The following TMEM108 variants were observed in gnomAD, a reference collection of about 807,000 sequenced individuals.
TMEM108 encodes the protein cancer/testis antigen 124.
In TMEM108, 12 loss-of-function variants were observed where a neutral mutation model predicts 35.1. That is an observed-to-expected ratio of 0.34 (90% CI 0.22 to 0.55). The LOEUF is 0.55. Ranked by LOEUF, TMEM108 falls within the 20% of genes least tolerant of loss-of-function variation. The probability of loss-of-function intolerance (pLI) is 0.89; values close to 1 mark genes in which losing one functional copy is unlikely to be tolerated. For synonymous variants in TMEM108, 287 were observed against 308.6 expected (o/e 0.93, Z 0.73); for missense variants, 680 against 753.3 (o/e 0.90, Z 1.14).
At chr3:133,080,436 C>A (rs1477020508) in intron 2 of TMEM108, among the ~76,000 whole-genome samples, 2 of 152,172 alleles carry the variant, frequency 1.3e-5, no homozygotes, top group African/African-American at 4.8e-5. Flanking sequence ...CATGTAAGGA[C>A]ATATGTTGGT....
intron 2 of TMEM108, among the ~76,000 whole-genome samples, chr3:133,206,876 C>T (rs1221784166): frequency 6.6e-6 from 1 of 152,226 alleles, no homozygotes; most frequent in African/African-American, 2.4e-5. Flanking sequence ...TGTAGGAACA[C>T]TTAAGTCTGC....
At chr3:133,080,072 A>C (rs962564028) in intron 2 of TMEM108, among the ~76,000 whole-genome samples, 1 of 152,016 alleles carries the variant, frequency 6.6e-6, no homozygotes, top group African/African-American at 2.4e-5. Flanking sequence ...TCCAAGGTAG[A>C]TGCTTGATAA....
At chr3:133,325,709 A>G (rs2071322388) in intron 3 of TMEM108, among the ~76,000 whole-genome samples, 1 of 150,310 alleles carries the variant, frequency 6.7e-6, no homozygotes, top group African/African-American at 2.4e-5. Flanking sequence ...AAATTTTTAA[A>G]TAAAAATAAT....
In TMEM108 at chr3:133,174,036, G is replaced by A. The variant is rs143973748; in HGVS notation, c.-46-55230G>A. On this transcript the variant is annotated intron_variant, in intron 2 of 5. Coordinates refer to ENST00000321871, the MANE Select transcript of TMEM108 (RefSeq NM_023943.4). ...ACGGCACACCAGGAGATTATATCCC[G>A]CTCCTGGCTCAGAGGGTCCTATTCC... Among the ~76,000 whole-genome samples, 1,111 of 152,328 alleles carry A rather than the reference G, an allele frequency of 7.3e-3. 16 individuals are homozygous for A. Among genetic ancestry groups the A allele is most frequent in the African/African-American group, 0.025 (1,048 of 41,574 alleles).
chr3:133,099,824 T>C (rs1191355573), intron 2 of TMEM108, among the ~76,000 whole-genome samples: 2 of 152,220 alleles, frequency 1.3e-5, no homozygotes, highest in Non-Finnish European at 2.9e-5. Flanking sequence ...AGCATTTTTG[T>C]CAAAGCCATT....
At chr3:133,374,542 T>TTATATATATATATA (rs10580755) in intron 3 of TMEM108, among the ~76,000 whole-genome samples, 26 of 145,802 alleles carry the variant, frequency 1.8e-4, no homozygotes, top group African/African-American at 6.6e-4. Context: ...ATAATTTTTG[T>TTATATATATATATA]TATATATATA....
At chr3:133,361,581 G>A (rs573195918) in intron 3 of TMEM108, among the ~76,000 whole-genome samples, 3 of 152,296 alleles carry the variant, frequency 2.0e-5, no homozygotes, top group African/African-American at 7.2e-5. Flanking sequence ...GCTTCCGTTG[G>A]CATCAGCTGG....
Position 133,229,257 on chromosome 3 carries a change from A to G in TMEM108, c.-46-9A>G, listed in dbSNP as rs531869812. 5.7e-6 allele frequency: 9 copies of G among 1,570,378 alleles called. No individual in the cohort carries two copies. Among genetic ancestry groups the G allele is most frequent in the Admixed American group, 1.8e-5 (1 of 55,346 alleles). ...CAGATGTAACAATTTTCTTCTCCCAATTTCCTAGACAGAATCATGAATAAA... is the reference window on the plus strand; with the variant it reads ...CAGATGTAACAATTTTCTTCTCCCAGTTTCCTAGACAGAATCATGAATAAA... On this transcript the variant is annotated splice_polypyrimidine_tract_variant and intron_variant, in intron 2 of 5. Transcript: ENST00000321871.
rs554012407 is a variant in TMEM108, at chr3:133,040,638, ATTGT to A, written c.-166+2211_-166+2214del. On this transcript the variant is annotated intron_variant, in intron 1 of 5. Coordinates refer to ENST00000321871, the MANE Select transcript of TMEM108 (RefSeq NM_023943.4). ...GTTCCATAAACCGCAAAGGGTATGC[ATTGT>A]TTGTTTGGCCTGCGGAAGGGAGGCA... is the stretch of plus-strand genomic sequence containing the variant. Among the ~76,000 whole-genome samples, 35 of 152,284 alleles carry A rather than the reference ATTGT, an allele frequency of 2.3e-4. No individual in the cohort carries two copies. In the South Asian group the frequency reaches 6.8e-3, roughly 30 times the overall value.
At chr3:133,120,974 C>T (rs1245772293) in intron 2 of TMEM108, 1 of 152,168 alleles carries the variant, frequency 6.6e-6, no homozygotes, top group Non-Finnish European at 1.5e-5. Context: ...TTTTTGGCAT[C>T]CCATATTTGT....
intron 2 of TMEM108, among the ~76,000 whole-genome samples, chr3:133,198,962 C>T (rs912470458): frequency 1.3e-5 from 2 of 152,162 alleles, no homozygotes; most frequent in African/African-American, 4.8e-5. Context: ...TCACATACTC[C>T]CATATTTCTT....
At chr3:133,356,229 G>GA (rs201144304) in intron 3 of TMEM108, among the ~76,000 whole-genome samples, 1,921 of 148,682 alleles carry the variant, frequency 0.013, 16 homozygotes, top group South Asian at 0.026. Flanking sequence ...TACAACAGCT[G>GA]AAAAAAAAAG....
intron 3 of TMEM108, among the ~76,000 whole-genome samples, chr3:133,310,533 T>A (rs2071112914): frequency 2.1e-5 from 1 of 47,794 alleles, no homozygotes. Flanking sequence ...ACCCCTGCTT[T>A]TTTTTTTTTT....
intron 2 of TMEM108, among the ~76,000 whole-genome samples, chr3:133,128,637 G>A (rs1006631433): frequency 1.3e-5 from 2 of 152,142 alleles, no homozygotes; most frequent in Admixed American, 6.5e-5. Flanking sequence ...CTTCTCACCT[G>A]TCAAGTGAGA....
intron 3 of TMEM108, among the ~76,000 whole-genome samples, chr3:133,373,205 T>A (rs115212737): frequency 0.012 from 1,855 of 151,992 alleles, 18 homozygotes; most frequent in South Asian, 0.021. Flanking sequence ...AAAAATTAGC[T>A]GGGCACAGTG....
chr3:133,143,086 A>T (rs1019748968), intron 2 of TMEM108, among the ~76,000 whole-genome samples: 1 of 152,198 alleles, frequency 6.6e-6, no homozygotes, highest in Non-Finnish European at 1.5e-5. Context: ...AACTACATAG[A>T]AAAAAGAAAC....
At chr3:133,180,415 A>G (rs1945316500) in intron 2 of TMEM108, among the ~76,000 whole-genome samples, 1 of 152,160 alleles carries the variant, frequency 6.6e-6, no homozygotes, top group South Asian at 2.1e-4. Context: ...ATCAATTTCC[A>G]GTAACAATGT....
At chr3:133,168,872 C>T (rs1176440712) in intron 2 of TMEM108, among the ~76,000 whole-genome samples, 1 of 152,174 alleles carries the variant, frequency 6.6e-6, no homozygotes, top group Non-Finnish European at 1.5e-5. Flanking sequence ...ACCACAAACC[C>T]ACCGGGAGGA....
At chr3:133,144,813 G>C (rs1284047246) in intron 2 of TMEM108, among the ~76,000 whole-genome samples, 3 of 152,102 alleles carry the variant, frequency 2.0e-5, no homozygotes, top group African/African-American at 7.2e-5. Flanking sequence ...TGATGGGGTT[G>C]TTTGTTTTTT....
Sources: allele counts gnomAD v4.1 joint callset (sites outside exome capture counted in the v4.1 genomes callset), GRCh38; gene constraint gnomAD v4.1.1; transcripts MANE v1.5; gene names NCBI Gene and HGNC (gene_info 2026-07-23, HGNC 2026-07-21).